Variants in NAV3 observed in about 807,000 individuals in gnomAD.
The protein encoded by NAV3 is pore membrane and/or filament interacting like protein 1.
A neutral mutation model predicts 244.7 loss-of-function variants in NAV3; 87 were observed. That is an observed-to-expected ratio of 0.36 (90% CI 0.30 to 0.42). NAV3 has a LOEUF of 0.42. NAV3 is among the 20% of genes least tolerant of loss of function. The pLI is 1.00. For missense variants in NAV3, 2,663 were observed against 2,893.3 expected (o/e 0.92, Z 1.83); for synonymous variants, 1,126 against 1,042.2 (o/e 1.08, Z -1.55).
chr12:78,152,070 G>A (rs1957101263), intron 22 of NAV3, among the ~76,000 whole-genome samples: 1 of 151,476 alleles, frequency 6.6e-6, no homozygotes, highest in Non-Finnish European at 1.5e-5. Context: ...TTTCCCAGGA[G>A]TTTCAACCTT....
intron 3 of NAV3, among the ~76,000 whole-genome samples, chr12:77,959,275 A>G (rs1891653878): frequency 6.6e-6 from 1 of 152,104 alleles, no homozygotes; most frequent in African/African-American, 2.4e-5. Flanking sequence ...ATTGGGCTCT[A>G]TGGGTTTAAA....
At chr12:78,100,351 G>A (rs1954476608) in intron 12 of NAV3, among the ~76,000 whole-genome samples, 1 of 151,764 alleles carries the variant, frequency 6.6e-6, no homozygotes, top group Admixed American at 6.6e-5. Flanking sequence ...CCTCTTGATG[G>A]ATTTTTTCCC....
At chr12:77,857,438 T>G (rs1472549449) in intron 1 of NAV3, among the ~76,000 whole-genome samples, 1 of 151,958 alleles carries the variant, frequency 6.6e-6, no homozygotes, top group Non-Finnish European at 1.5e-5. Context: ...TTTGAATCTT[T>G]TAAATTATTA....
rs1370644387 is a variant in NAV3 at position 78,212,254 on chromosome 12, G to C, written c.*1737G>C. The C allele has an allele frequency of 4.6e-5, 7 of 152,596 alleles. No homozygotes were observed. The highest frequency in any genetic ancestry group is 1.4e-4 in the African/African-American group (6 of 41,442). The allele number at this position is 152,596 out of a possible 1,614,324, so 9.5% of individuals were successfully genotyped here. ...GGAGAAGTTACCACCACACACAAAGGACAGGTTTTAAGTTTATGAAACCCA... is the reference window on the plus strand; with the variant it reads ...GGAGAAGTTACCACCACACACAAAGCACAGGTTTTAAGTTTATGAAACCCA... On this transcript the variant is annotated 3_prime_UTR_variant, in exon 40 of 40. Coordinates refer to ENST00000397909, the MANE Select transcript of NAV3 (RefSeq NM_001024383.2).
chr12:78,129,662 T>C (rs1333999883), intron 18 of NAV3, among the ~76,000 whole-genome samples: 1 of 152,120 alleles, frequency 6.6e-6, no homozygotes, highest in East Asian at 1.9e-4. Flanking sequence ...AAGTCACATA[T>C]AAAGTATTCT....
intron 2 of NAV3, among the ~76,000 whole-genome samples, chr12:77,646,433 G>A (rs965223085): frequency 3.3e-5 from 5 of 152,024 alleles, no homozygotes; most frequent in Non-Finnish European, 5.9e-5. Context: ...CAAACCTCCT[G>A]TCCTGAAGCA....
At chr12:77,721,999 T>C (rs1413727315) in intron 2 of NAV3, among the ~76,000 whole-genome samples, 1 of 152,120 alleles carries the variant, frequency 6.6e-6, no homozygotes, top group Admixed American at 6.6e-5. Flanking sequence ...AGAATTGTCA[T>C]TTTACACTGA....
intron 16 of NAV3, among the ~76,000 whole-genome samples, 185 bp downstream of exon 16, chr12:78,122,613 G>A (rs924983346): frequency 6.6e-6 from 1 of 152,140 alleles, no homozygotes. Flanking sequence ...AATCATTAAA[G>A]GTAGGGTGAG....
At chr12:78,055,122 G>A (rs1883293276) in intron 11 of NAV3, among the ~76,000 whole-genome samples, 1 of 152,194 alleles carries the variant, frequency 6.6e-6, no homozygotes, top group Non-Finnish European at 1.5e-5. Flanking sequence ...GCATTCAGTA[G>A]TGAATAATAT....
chr12:77,730,711 G>A (rs1324205604), intron 2 of NAV3, among the ~76,000 whole-genome samples: 1 of 150,436 alleles, frequency 6.6e-6, no homozygotes, highest in African/African-American at 2.4e-5. Flanking sequence ...AAGACTCTCT[G>A]AATTACTAAG....
intron 1 of NAV3, among the ~76,000 whole-genome samples, chr12:77,851,820 A>G (rs1877574878): frequency 6.6e-6 from 1 of 152,218 alleles, no homozygotes; most frequent in South Asian, 2.1e-4. Flanking sequence ...TAACTTCATG[A>G]AAGACTACTA....
chr12:77,953,877 G>T (rs1891123705), intron 3 of NAV3, among the ~76,000 whole-genome samples: 1 of 152,098 alleles, frequency 6.6e-6, no homozygotes, highest in South Asian at 2.1e-4. Flanking sequence ...GTTTCCTGTG[G>T]CTTCTGTAAC....
chr12:78,184,412 T>C (rs964873853), intron 30 of NAV3, among the ~76,000 whole-genome samples: 1 of 151,628 alleles, frequency 6.6e-6, no homozygotes, highest in Non-Finnish European at 1.5e-5. Flanking sequence ...TATTTTTGAG[T>C]GGAGTAGGTG....
Position 77,831,280 on chromosome 12 carries a change from C to CTTA in NAV3, c.-181_-179dup, listed in dbSNP as rs1204962423. ...CCCAGCCAGCAAGAAAGAAAAGATACTTAACTAAAGATGCAGGGAAGTTTT... is the reference window on the plus strand; with the variant it reads ...CCCAGCCAGCAAGAAAGAAAAGATACTTATTAACTAAAGATGCAGGGAAGTTTT... On this transcript the variant is annotated 5_prime_UTR_variant, in exon 1 of 40. An upstream open reading frame in the 5' UTR loses its in-frame stop. Coordinates refer to ENST00000397909, the MANE Select transcript of NAV3 (RefSeq NM_001024383.2). 1 of 520,386 alleles carries CTTA rather than the reference C, an allele frequency of 1.9e-6. No individual in the cohort carries two copies. Among genetic ancestry groups the CTTA allele is most frequent in the Non-Finnish European group, 3.3e-6 (1 of 302,404 alleles). The allele number at this position is 520,386 out of a possible 1,614,324, so 32.2% of individuals were successfully genotyped here.
intron 2 of NAV3, among the ~76,000 whole-genome samples, chr12:77,618,724 T>C (rs994842225): frequency 1.3e-5 from 2 of 152,216 alleles, no homozygotes; most frequent in African/African-American, 4.8e-5. Context: ...CAGTATTTTA[T>C]AGAATGTATT....
At chr12:77,780,576 T>C (rs1302221761) in intron 2 of NAV3, among the ~76,000 whole-genome samples, 1 of 152,112 alleles carries the variant, frequency 6.6e-6, no homozygotes, top group Non-Finnish European at 1.5e-5. Flanking sequence ...TTAAGCAAGT[T>C]TGTGCGAAGA....
chr12:77,951,975 AGTTAATGG>A (rs1301346872), intron 3 of NAV3, among the ~76,000 whole-genome samples: 1 of 151,568 alleles, frequency 6.6e-6, no homozygotes, highest in East Asian at 1.9e-4. Flanking sequence ...GTAAATGATG[AGTTAATGG>A]GTGCAGCACA....
At chr12:77,938,651 G>A (rs138028334) in intron 1 of NAV3, among the ~76,000 whole-genome samples, 344 of 152,160 alleles carry the variant, frequency 2.3e-3, no homozygotes, top group African/African-American at 7.5e-3. Flanking sequence ...ACACTTAGCA[G>A]CCCCATTTCT....
chr12:78,119,744 A>C lies in NAV3; in HGVS notation c.3548A>C (p.Lys1183Thr). Residue 1183 changes from lysine (K) to threonine (T), a missense_variant, in exon 15 of 40, where the codon AAA becomes ACA. Physicochemically the swap from Lys to Thr is moderately conservative, Grantham distance 78 (BLOSUM62 -1). This residue lies in a region of NAV3 where 1,521 missense variants were observed against 1,497.0 expected (regional missense o/e 1.02). Transcript: ENST00000397909. ...ATTSKLREPT[K>T]IGSGRSSPVT... ...ACCTCGAAACTGAGAGAACCAACTA[A>C]AATTGGGTCAGGGCGCTCGAGTCCT... 1 of 1,614,068 alleles carries C rather than the reference A, an allele frequency of 6.2e-7. No homozygotes were observed. Among genetic ancestry groups the C allele is most frequent in the Non-Finnish European group, 8.5e-7 (1 of 1,180,014 alleles).
Sources: gnomAD v4.1 joint callset for allele counts (sites outside exome capture counted in the v4.1 genomes callset) on GRCh38, gnomAD v4.1.1 for gene constraint, gnomAD v4.1.1 regional missense constraint, MANE v1.5 for transcripts, NCBI Gene and HGNC (gene_info 2026-07-23, HGNC 2026-07-21) for gene names.